Variants in INTS6 observed in about 807,000 individuals in gnomAD.
INTS6 encodes the protein DEAD box protein.
INTS6 carries 16 observed loss-of-function variants against 104.9 expected under a neutral mutation model. The ratio of observed to expected loss-of-function variants is 0.15; its 90% CI spans 0.10 to 0.23. The LOEUF (loss-of-function observed/expected upper bound fraction) is 0.23, where lower values mean the gene tolerates loss of function less well. Ranked by LOEUF, INTS6 falls within the 10% of genes least tolerant of loss-of-function variation. The probability of loss-of-function intolerance (pLI) is 1.00; values close to 1 mark genes in which losing one functional copy is unlikely to be tolerated. For missense variants in INTS6, 584 were observed against 1,062.8 expected, an observed-to-expected ratio of 0.55 and a Z score of 6.26; for synonymous variants, 324 against 358.7, an observed-to-expected ratio of 0.90 and a Z score of 1.09.
At chr13:51,371,294 T>C (rs1955798199) in intron 15 of INTS6, among the ~76,000 whole-genome samples, 1 of 152,136 alleles carries the variant, frequency 6.6e-6, no homozygotes, top group South Asian at 2.1e-4. Flanking sequence ...ACCTTCGCCT[T>C]TCACATCCAG....
At chr13:51,384,365 C>T (rs551428150) in intron 7 of INTS6, 10 of 237,510 alleles carry the variant, frequency 4.2e-5, no homozygotes, top group Middle Eastern at 1.6e-3. Flanking sequence ...TGTTACTCCC[C>T]AATCTACCTC....
Position 51,374,794 on chromosome 13 carries a change from G to C in INTS6, c.1732C>G (p.Gln578Glu). 6.2e-7 allele frequency: 1 copy of C among 1,610,606 alleles called. No homozygotes were observed. The highest frequency in any genetic ancestry group is 8.5e-7 in the Non-Finnish European group (1 of 1,178,948). Residue 578 changes from glutamine (Q) to glutamate (E), a missense_variant and splice_region_variant, in exon 14 of 18, where the codon CAA (glutamine) becomes GAA (glutamate). Transcript: ENST00000311234. ...RRFLKGQDED[Q>E]VHSVPIAQMG... is the part of the protein sequence containing the mutation. Reference sequence around the variant, plus strand: ...TGTGCTATAGGAACACTGTGCACTTGATCTTTCAAAAAGAATACAACAGCA... The same window carrying C: ...TGTGCTATAGGAACACTGTGCACTTCATCTTTCAAAAAGAATACAACAGCA...
At chr13:51,417,516 G>A (rs1036214301) in intron 4 of INTS6, among the ~76,000 whole-genome samples, 2 of 146,474 alleles carry the variant, frequency 1.4e-5, no homozygotes, top group Non-Finnish European at 3.0e-5. Flanking sequence ...GTGCAATGGC[G>A]CGATCTCAGC....
chr13:51,378,256 C>G lies in INTS6; in HGVS notation c.1585G>C (p.Val529Leu). ...ATTATTACCTTATTCAGCAAAGCAA[C>G]TTGGAACCCAGTGTATTCCTTCATA... The part of the protein sequence containing the change: ...LNMKEYTGFQ[V>L]ALLNKDLKPQ... Residue 529 changes from valine to leucine, a missense_variant, in exon 12 of 18, where the codon GTT becomes CTT. Val to Leu is a conservative substitution (Grantham distance 32, BLOSUM62 1). Around this residue, in one of 5 missense-constraint regions of INTS6, gnomAD observed 296 missense variants for 437.0 expected, o/e 0.68. Coordinates refer to ENST00000311234, the MANE Select transcript of INTS6 (RefSeq NM_012141.3). The G allele has an allele frequency of 6.2e-7, 1 of 1,612,794 alleles. No homozygotes were observed. Among genetic ancestry groups the G allele is most frequent in the Non-Finnish European group, 8.5e-7 (1 of 1,178,922 alleles).
At chr13:51,442,267 G>A (rs1402785070) in intron 3 of INTS6, 1 of 151,498 alleles carries the variant, frequency 6.6e-6, no homozygotes, top group African/African-American at 2.4e-5. Context: ...AGCTTCCTGA[G>A]GGTGCCTGTA....
chr13:51,449,545 T>C (rs1335551127), intron 3 of INTS6: 7 of 984,884 alleles, frequency 7.1e-6, no homozygotes, highest in Non-Finnish European at 7.2e-6. Context: ...TGACCACTTA[T>C]GAAATGTGAT....
At chr13:51,432,928 T>A (rs1957122842) in intron 3 of INTS6, among the ~76,000 whole-genome samples, 1 of 152,206 alleles carries the variant, frequency 6.6e-6, no homozygotes, top group Non-Finnish European at 1.5e-5. Context: ...TCTCTCTTGG[T>A]CTCTACCAGT....
At chr13:51,366,930 A>G (rs772352407) in intron 17 of INTS6, among the ~76,000 whole-genome samples, 1 of 152,038 alleles carries the variant, frequency 6.6e-6, no homozygotes, top group African/African-American at 2.4e-5. Flanking sequence ...AAAATAAAAA[A>G]TGTTTTTAAA....
downstream of INTS6, among the ~76,000 whole-genome samples, chr13:51,350,643 T>C (rs1955395352): frequency 6.6e-6 from 1 of 152,158 alleles, no homozygotes; most frequent in Admixed American, 6.5e-5. Flanking sequence ...AAAATCAAGA[T>C]ATAATTCACA....
At chr13:51,431,272 T>C (rs1394787889) in intron 3 of INTS6, among the ~76,000 whole-genome samples, 1 of 152,216 alleles carries the variant, frequency 6.6e-6, no homozygotes, top group African/African-American at 2.4e-5. Context: ...AAATCAAAGG[T>C]ATCAAATTCT....
chr13:51,359,638 T>C (rs764588375), downstream of INTS6, among the ~76,000 whole-genome samples: 2 of 152,140 alleles, frequency 1.3e-5, no homozygotes, highest in African/African-American at 4.8e-5. Flanking sequence ...ACACATTTAC[T>C]GTATTTTAGC....
intron 4 of INTS6, among the ~76,000 whole-genome samples, chr13:51,404,261 G>A (rs1406893069): frequency 1.3e-5 from 2 of 148,842 alleles, no homozygotes; most frequent in Non-Finnish European, 3.0e-5. Flanking sequence ...GTGACAGAGG[G>A]AGACTCCATC....
chr13:51,340,994 G>A, the INTS6 span: 2 of 1,404,276 alleles, frequency 1.4e-6, no homozygotes, highest in South Asian at 2.6e-5. Flanking sequence ...CAGAGCTGGG[G>A]GTCCCAGTCC....
chr13:51,347,084 G>C, the INTS6 span: 42 of 1,606,550 alleles, frequency 2.6e-5, no homozygotes, highest in Non-Finnish European at 3.6e-5. Context: ...TGCAGCATTT[G>C]CTCAGCTTGT....
chr13:51,446,374 T>G (rs755618579), intron 3 of INTS6: 1 of 152,058 alleles, frequency 6.6e-6, no homozygotes, highest in South Asian at 2.1e-4. Context: ...TCACACCCAA[T>G]AGGATGGCTA....
chr13:51,384,837 T>C (rs1956111170), intron 7 of INTS6: 2 of 373,080 alleles, frequency 5.4e-6, no homozygotes, highest in Non-Finnish European at 1.0e-5. Context: ...CTTCTATTTC[T>C]TACCACTTTA....
At chr13:51,383,100 G>T in intron 9 of INTS6, among the ~76,000 whole-genome samples, 1 of 87,446 alleles carries the variant, frequency 1.1e-5, no homozygotes, top group South Asian at 4.4e-4. Flanking sequence ...CCACCCCCCC[G>T]CAAAAAAAAA....
chr13:51,403,934 G>T (rs1440456141), intron 4 of INTS6, among the ~76,000 whole-genome samples: 10 of 151,950 alleles, frequency 6.6e-5, no homozygotes, highest in Non-Finnish European at 1.5e-5. Context: ...TAAAAATTGT[G>T]CTCCTGGCCA....
chr13:51,451,151 T>C lies in INTS6; in HGVS notation c.213A>G (p.Ala71=), dbSNP rs761356883. The change falls in exon 3 of 18, where the codon GCA becomes GCG. Residue 71 remains alanine (A), a synonymous_variant. Transcript: ENST00000311234. ...GGTTTTTCAATTCATTCATAAACGTTGCATGGTTTTCTTTCCATCCAGCCT... is the reference window on the plus strand; with the variant it reads ...GGTTTTTCAATTCATTCATAAACGTCGCATGGTTTTCTTTCCATCCAGCCT... ...AIKAGWKENH[A]TFMNELKNLQ... 6.4e-7 allele frequency: 1 copy of C among 1,559,632 alleles called. No homozygotes were observed. Among genetic ancestry groups the C allele is most frequent in the South Asian group, 1.3e-5 (1 of 79,030 alleles).
Sources: gnomAD v4.1 joint callset for allele counts (sites outside exome capture counted in the v4.1 genomes callset) on GRCh38, gnomAD v4.1.1 for gene constraint, gnomAD v4.1.1 regional missense constraint, MANE v1.5 for transcripts, NCBI Gene and HGNC (gene_info 2026-07-23, HGNC 2026-07-21) for gene names.